The following SLC35H1 variants were observed in gnomAD, a reference collection of about 807,000 sequenced individuals.
SLC35H1 encodes the protein solute carrier family 35 member H1.
the SLC35H1 span, among the ~76,000 whole-genome samples, chr20:46,354,305 C>G: frequency 6.6e-6 from 1 of 152,148 alleles, no homozygotes; most frequent in Non-Finnish European, 1.5e-5. Flanking sequence ...TTCCTACTTC[C>G]GAGATGCCTT....
chr20:46,346,803 T>C, the SLC35H1 span: 2 of 151,642 alleles, frequency 1.3e-5, no homozygotes, highest in Non-Finnish European at 2.9e-5. Context: ...GGAGAATCAC[T>C]TGAACCCGGG....
the SLC35H1 span, chr20:46,355,323 A>G: frequency 2.7e-6 from 4 of 1,479,488 alleles, no homozygotes; most frequent in Non-Finnish European, 3.6e-6. The surrounding 1 kb of genome is among the most constrained non-coding windows in gnomAD (Gnocchi z 4.8). Context: ...TGGGGTCAGC[A>G]GCCATCTTGG....
chr20:46,350,237 G>A, the SLC35H1 span: 1 of 820,066 alleles, frequency 1.2e-6, no homozygotes. Context: ...GCTCTGAAGG[G>A]AGGGGCAAAA....
chr20:46,358,848 T>C, the SLC35H1 span: 1 of 897,058 alleles, frequency 1.1e-6, no homozygotes, highest in Non-Finnish European at 1.8e-6. Context: ...GCTGCGTGAC[T>C]CAGGGCTCTG....
chr20:46,350,637 C>G, the SLC35H1 span: 1 of 1,506,408 alleles, frequency 6.6e-7, no homozygotes, highest in Non-Finnish European at 9.0e-7. Flanking sequence ...TGGAGATGAC[C>G]CCCACATCTT....
the SLC35H1 span, chr20:46,357,870 C>A: frequency 7.3e-7 from 1 of 1,377,234 alleles, no homozygotes; most frequent in Non-Finnish European, 1.0e-6. Flanking sequence ...GAGTGGGGCT[C>A]ATTCGGTGGT....
the SLC35H1 span, chr20:46,350,606 C>G: frequency 5.3e-6 from 8 of 1,520,968 alleles, no homozygotes; most frequent in East Asian, 1.6e-4. Context: ...GCTGAGTCAC[C>G]CAGGCCCCAC....
chr20:46,361,406 C>G, the SLC35H1 span, among the ~76,000 whole-genome samples: 1 of 152,212 alleles, frequency 6.6e-6, no homozygotes, highest in Non-Finnish European at 1.5e-5. Context: ...ATCCTCTCCC[C>G]AAATGACTGC....
the SLC35H1 span, among the ~76,000 whole-genome samples, chr20:46,361,216 C>T: frequency 2.0e-5 from 3 of 152,360 alleles, no homozygotes; most frequent in Admixed American, 2.0e-4. Context: ...CTTCCTACTT[C>T]CCATCCCAGC....
chr20:46,346,116 CCTT>C, the SLC35H1 span: 3 of 152,098 alleles, frequency 2.0e-5, no homozygotes, highest in South Asian at 2.1e-4. Flanking sequence ...TATGTTCTGT[CCTT>C]CTGTTGTTCC....
At chr20:46,358,799 CAG>C in the SLC35H1 span, 2 of 1,303,334 alleles carry the variant, frequency 1.5e-6, no homozygotes, top group Admixed American at 2.0e-5. Context: ...GAGCCTCAGG[CAG>C]AGACTGTGCT....
At chr20:46,363,870 G>C in the SLC35H1 span, among the ~76,000 whole-genome samples, 1 of 152,338 alleles carries the variant, frequency 6.6e-6, no homozygotes, top group African/African-American at 2.4e-5. Context: ...CGCCACAGCG[G>C]CCCCCTGCCA....
chr20:46,358,644 G>A, the SLC35H1 span: 11 of 1,556,054 alleles, frequency 7.1e-6, no homozygotes, highest in Non-Finnish European at 9.6e-6. Flanking sequence ...GCTCTCTGCA[G>A]CTCCATGATT....
At chr20:46,350,485 C>CTTTT in the SLC35H1 span, 1 of 1,613,082 alleles carries the variant, frequency 6.2e-7, no homozygotes, top group Non-Finnish European at 8.5e-7. Context: ...CAGGTCGGGG[C>CTTTT]TGGAGCCCAG....
chr20:46,352,007 GCTCCCTCTC>G, the SLC35H1 span: 4 of 1,597,508 alleles, frequency 2.5e-6, no homozygotes, highest in African/African-American at 5.4e-5. Flanking sequence ...ACCCCTGGGG[GCTCCCTCTC>G]TAAGACAGGA....
chr20:46,363,144 C>T, the SLC35H1 span: 1 of 152,278 alleles, frequency 6.6e-6, no homozygotes, highest in Non-Finnish European at 1.5e-5. Flanking sequence ...TGCCACGATA[C>T]CACATTCTCC....
the SLC35H1 span, among the ~76,000 whole-genome samples, chr20:46,359,502 G>A: frequency 6.6e-6 from 1 of 152,156 alleles, no homozygotes; most frequent in African/African-American, 2.4e-5. Context: ...CAGGGGACTG[G>A]TCTGGTCTTT....
chr20:46,356,896 C>A, the SLC35H1 span, among the ~76,000 whole-genome samples: 20 of 152,212 alleles, frequency 1.3e-4, no homozygotes. Flanking sequence ...TCCGGCGAGC[C>A]CCCTGAGCGG....
At chr20:46,358,391 G>C in the SLC35H1 span, 1 of 1,614,078 alleles carries the variant, frequency 6.2e-7, no homozygotes, top group Non-Finnish European at 8.5e-7. Flanking sequence ...TGGTACCTTT[G>C]TCAGCCACTT....
Sources: allele counts gnomAD v4.1 joint callset (sites outside exome capture counted in the v4.1 genomes callset), GRCh38; gene constraint gnomAD v4.1.1; non-coding constraint Gnocchi (gnomAD v3.1); transcripts MANE v1.5; gene names NCBI Gene and HGNC (gene_info 2026-07-23, HGNC 2026-07-21).